The following RBFOX1 variants were observed in gnomAD, a reference collection of about 807,000 sequenced individuals.
The protein encoded by RBFOX1 is RNA binding protein fox-1 homolog 1.
A neutral mutation model predicts 57.7 loss-of-function variants in RBFOX1; 8 were observed. That is an observed-to-expected ratio of 0.14 (90% confidence interval 0.08 to 0.25). The LOEUF is 0.25. RBFOX1 is among the 10% of genes least tolerant of loss of function. RBFOX1 has a pLI of 1.00. For missense variants in RBFOX1, 611 were observed against 548.5 expected, an observed-to-expected ratio of 1.11 and a Z score of -1.14; for synonymous variants, 326 against 222.4, an observed-to-expected ratio of 1.47 and a Z score of -4.15.
At chr16:6,700,993 C>T (rs749164609) in intron 3 of RBFOX1, among the ~76,000 whole-genome samples, 3 of 151,802 alleles carry the variant, frequency 2.0e-5, no homozygotes, top group Non-Finnish European at 4.4e-5. Context: ...TATGAGGGAT[C>T]CATACCAGTA....
intron 3 of RBFOX1, among the ~76,000 whole-genome samples, chr16:5,768,624 C>A (rs945348750): frequency 6.6e-6 from 1 of 152,124 alleles, no homozygotes; most frequent in Non-Finnish European, 1.5e-5. Flanking sequence ...TGCATCATAG[C>A]CAAAATCTGC....
intron 3 of RBFOX1, among the ~76,000 whole-genome samples, chr16:6,852,084 T>G (rs935585092): frequency 1.3e-5 from 2 of 152,030 alleles, no homozygotes; most frequent in Non-Finnish European, 2.9e-5. Context: ...TGCCACCACG[T>G]AACTACCACA....
chr16:5,938,406 C>G lies in RBFOX1; in HGVS notation c.351+71071C>G, dbSNP rs74006516. ...CTCAAGCTGAGTGACTTAGCAAGTT[C>G]GAATATTAAAATTACTAGGCTGCTG... On this transcript the variant is annotated intron_variant, in intron 4 of 19. Transcript: ENST00000641259. 4.7e-3 allele frequency among the ~76,000 whole-genome samples: 713 copies of G among 152,212 alleles called. 9 individuals carry two copies. Among genetic ancestry groups the G allele is most frequent in the African/African-American group, 0.016 (674 of 41,530 alleles).
At chr16:7,533,545 A>T (rs777107773) in intron 5 of RBFOX1, among the ~76,000 whole-genome samples, 3 of 152,210 alleles carry the variant, frequency 2.0e-5, no homozygotes, top group Non-Finnish European at 4.4e-5. Flanking sequence ...ACTGAACATC[A>T]TCACTTAGCC....
At chr16:5,672,854 GGTGTGTGTGTGTGTGT>G (rs3035730) in intron 3 of RBFOX1, among the ~76,000 whole-genome samples, 3 of 149,622 alleles carry the variant, frequency 2.0e-5, no homozygotes, top group Admixed American at 6.6e-5. Context: ...CTTCACCGTA[GGTGTGTGTGTGTGTGT>G]GTGTGTGTGT....
chr16:5,941,426 A>G (rs2059275575), intron 4 of RBFOX1, among the ~76,000 whole-genome samples: 1 of 151,692 alleles, frequency 6.6e-6, no homozygotes, highest in Non-Finnish European at 1.5e-5. Context: ...GGAGTTTGAC[A>G]TTGCAGTGAG....
intron 4 of RBFOX1, among the ~76,000 whole-genome samples, chr16:5,934,819 C>T (rs916810095): frequency 1.3e-5 from 2 of 152,224 alleles, no homozygotes; most frequent in African/African-American, 4.8e-5. Flanking sequence ...CACTGATATT[C>T]AGTGAAAGAG....
intron 10 of RBFOX1, among the ~76,000 whole-genome samples, chr16:7,616,648 C>G (rs893197360): frequency 1.3e-5 from 2 of 152,180 alleles, no homozygotes; most frequent in Non-Finnish European, 2.9e-5. Flanking sequence ...ACTGCAACCT[C>G]TGCCTCCCAG....
At chr16:5,746,220 G>A (rs559217259) in intron 3 of RBFOX1, among the ~76,000 whole-genome samples, 1 of 152,102 alleles carries the variant, frequency 6.6e-6, no homozygotes, top group Non-Finnish European at 1.5e-5. Flanking sequence ...TCTTGTTTTT[G>A]TCAGGTTTGT....
chr16:6,032,516 G>C (rs1384743312), intron 1 of RBFOX1, among the ~76,000 whole-genome samples: 1 of 152,166 alleles, frequency 6.6e-6, no homozygotes, highest in Non-Finnish European at 1.5e-5. Flanking sequence ...ACGTAATTTG[G>C]TGGAGCCTAC....
At chr16:7,664,670 TGA>T in intron 12 of RBFOX1, 3 of 553,432 alleles carry the variant, frequency 5.4e-6, no homozygotes, top group Non-Finnish European at 9.5e-6. Context: ...TACCCACTCC[TGA>T]GAGAGTGGGA....
At chr16:6,628,637 C>G (rs1213780389) in intron 2 of RBFOX1, among the ~76,000 whole-genome samples, 1 of 152,086 alleles carries the variant, frequency 6.6e-6, no homozygotes, top group Non-Finnish European at 1.5e-5. Context: ...TTAATGAGAG[C>G]TCATGGTTTG....
chr16:6,226,592 A>G (rs953375483), intron 1 of RBFOX1, among the ~76,000 whole-genome samples: 2 of 152,016 alleles, frequency 1.3e-5, no homozygotes, highest in South Asian at 2.1e-4. Context: ...ATGGATAGTG[A>G]TATAGTAAAG....
chr16:6,156,190 G>T (rs1168691121), intron 1 of RBFOX1, among the ~76,000 whole-genome samples: 1 of 152,098 alleles, frequency 6.6e-6, no homozygotes, highest in African/African-American at 2.4e-5. Context: ...CCTAATAGAG[G>T]TTTCTGTGAC....
chr16:6,951,210 CT>C (rs1416793857), intron 3 of RBFOX1, among the ~76,000 whole-genome samples: 1 of 151,986 alleles, frequency 6.6e-6, no homozygotes, highest in Non-Finnish European at 1.5e-5. Flanking sequence ...CCCTGCCTAA[CT>C]TTTTTTTCTT....
At chr16:7,702,188 T>C (rs760488672) in intron 14 of RBFOX1, among the ~76,000 whole-genome samples, 3 of 152,196 alleles carry the variant, frequency 2.0e-5, no homozygotes, top group Non-Finnish European at 4.4e-5. Flanking sequence ...AGATTTTGGT[T>C]GTGTGGTAAA....
At chr16:7,703,525 C>T (rs900776041) in intron 14 of RBFOX1, among the ~76,000 whole-genome samples, 10 of 152,116 alleles carry the variant, frequency 6.6e-5, no homozygotes, top group African/African-American at 2.4e-4. Context: ...CGCTCCTCAT[C>T]AAAATAGGGA....
chr16:7,027,202 A>G (rs954499148), intron 3 of RBFOX1, among the ~76,000 whole-genome samples: 2 of 152,240 alleles, frequency 1.3e-5, no homozygotes, highest in South Asian at 2.1e-4. Flanking sequence ...ATCTTATTGA[A>G]CTCTCCAGCG....
intron 4 of RBFOX1, among the ~76,000 whole-genome samples, chr16:7,361,898 ATTT>A (rs563194124): frequency 7.2e-6 from 1 of 138,492 alleles, no homozygotes; most frequent in Non-Finnish European, 1.5e-5. Flanking sequence ...TAGTATGTGT[ATTT>A]TTTTGTGTTA....
Sources: allele counts gnomAD v4.1 joint callset (sites outside exome capture counted in the v4.1 genomes callset), GRCh38; gene constraint gnomAD v4.1.1; transcripts MANE v1.5; gene names NCBI Gene and HGNC (gene_info 2026-07-23, HGNC 2026-07-21).